Variants in SLC4A10 observed in about 807,000 individuals in gnomAD.
The protein encoded by SLC4A10 is solute carrier family 4 member 10.
SLC4A10 carries 42 observed loss-of-function variants against 137.7 expected under a neutral mutation model. That is an observed-to-expected ratio of 0.30 (90% CI 0.24 to 0.39). SLC4A10 has a LOEUF of 0.39. SLC4A10 is among the 10% of genes least tolerant of loss of function. SLC4A10 has a pLI of 1.00. For synonymous variants in SLC4A10, 474 were observed against 464.1 expected, an observed-to-expected ratio of 1.02 and a Z score of -0.27; for missense variants, 925 against 1,355.0, an observed-to-expected ratio of 0.68 and a Z score of 4.98.
At chr2:161,751,524 G>A (rs73005123) in intron 1 of SLC4A10, among the ~76,000 whole-genome samples, 5,025 of 151,296 alleles carry the variant, frequency 0.033, 288 homozygotes, top group African/African-American at 0.11. Context: ...GTAGGAACTC[G>A]CCTTTTATTC....
At chr2:161,941,804 G>T (rs1692754623) in intron 15 of SLC4A10, among the ~76,000 whole-genome samples, 1 of 152,136 alleles carries the variant, frequency 6.6e-6, no homozygotes, top group Admixed American at 6.6e-5. Flanking sequence ...GGGTGTTACA[G>T]GGTGTGGCTG....
intron 4 of SLC4A10, among the ~76,000 whole-genome samples, chr2:161,851,736 T>C (rs2059845396): frequency 6.6e-6 from 1 of 152,190 alleles, no homozygotes; most frequent in South Asian, 2.1e-4. Flanking sequence ...TTGTTATTAA[T>C]GTTATTACAG....
intron 21 of SLC4A10, among the ~76,000 whole-genome samples, chr2:161,963,121 T>C: frequency 6.6e-6 from 1 of 152,138 alleles, no homozygotes; most frequent in East Asian, 1.9e-4. Flanking sequence ...AAATAATCTA[T>C]ATAAAATAAA....
intron 6 of SLC4A10, among the ~76,000 whole-genome samples, chr2:161,869,029 T>C (rs2060945718): frequency 6.6e-6 from 1 of 151,694 alleles, no homozygotes; most frequent in Admixed American, 6.6e-5. Context: ...TACTGTGGTA[T>C]AGCACTTTAA....
At chr2:161,840,016 A>G (rs1203563082) in intron 4 of SLC4A10, 89 bp downstream of exon 4, 70 of 1,498,368 alleles carry the variant, frequency 4.7e-5, no homozygotes, top group Non-Finnish European at 6.3e-5. Context: ...TTTTGCAAAC[A>G]TCTATGATTG....
chr2:161,772,128 G>A (rs1288867875), intron 2 of SLC4A10, among the ~76,000 whole-genome samples: 1 of 151,748 alleles, frequency 6.6e-6, no homozygotes, highest in Non-Finnish European at 1.5e-5. Flanking sequence ...GATCTAAGAA[G>A]GTTATGCTTA....
intron 1 of SLC4A10, among the ~76,000 whole-genome samples, chr2:161,717,992 G>C (rs1574536121): frequency 6.6e-6 from 1 of 151,888 alleles, no homozygotes. Context: ...ATTGGTTATT[G>C]ATTATTCTTC....
intron 3 of SLC4A10, among the ~76,000 whole-genome samples, chr2:161,832,827 G>T (rs969169958): frequency 2.6e-5 from 4 of 152,114 alleles, no homozygotes; most frequent in Non-Finnish European, 4.4e-5. Flanking sequence ...TGCAAGCTCC[G>T]CCTCCCGGGT....
At chr2:161,978,384 C>CAAAAAAA (rs61399867) in intron 26 of SLC4A10, among the ~76,000 whole-genome samples, 45 of 90,392 alleles carry the variant, frequency 5.0e-4, no homozygotes, top group East Asian at 1.5e-3. Flanking sequence ...GAGACTCTGT[C>CAAAAAAA]AAAAAAAAAA....
At chr2:161,889,469 T>C (rs2062683731) in intron 10 of SLC4A10, among the ~76,000 whole-genome samples, 1 of 152,198 alleles carries the variant, frequency 6.6e-6, no homozygotes, top group Non-Finnish European at 1.5e-5. Flanking sequence ...AACTTGTTGT[T>C]GGCCTTTTCA....
intron 1 of SLC4A10, among the ~76,000 whole-genome samples, chr2:161,632,409 G>A (rs1034305831): frequency 7.3e-5 from 11 of 151,180 alleles, no homozygotes; most frequent in Non-Finnish European, 1.3e-4. Context: ...GTTTAAAAAT[G>A]AAAAGAAAAA....
At chr2:161,867,347 G>T (rs1337550760) in intron 6 of SLC4A10, among the ~76,000 whole-genome samples, 3 of 151,722 alleles carry the variant, frequency 2.0e-5, no homozygotes, top group Non-Finnish European at 4.4e-5. Context: ...AGATATCCAG[G>T]ATTTAAAATT....
At chr2:161,711,477 C>T (rs1233394397) in intron 1 of SLC4A10, among the ~76,000 whole-genome samples, 3 of 151,808 alleles carry the variant, frequency 2.0e-5, no homozygotes, top group Non-Finnish European at 4.4e-5. Context: ...TCAGGACCAA[C>T]TAATTATGGA....
At chr2:161,736,964 G>A (rs2047408375) in intron 1 of SLC4A10, among the ~76,000 whole-genome samples, 1 of 151,988 alleles carries the variant, frequency 6.6e-6, no homozygotes. Context: ...GGGCTCAAGT[G>A]ATCCTCTCAC....
At chr2:161,881,703 T>C (rs2061794302) in intron 9 of SLC4A10, among the ~76,000 whole-genome samples, 1 of 152,008 alleles carries the variant, frequency 6.6e-6, no homozygotes, top group African/African-American at 2.4e-5. Context: ...AGAGTATCTA[T>C]TGATTTCTTT....
intron 2 of SLC4A10, among the ~76,000 whole-genome samples, chr2:161,783,740 A>T (rs773423800): frequency 6.6e-6 from 1 of 151,744 alleles, no homozygotes; most frequent in Non-Finnish European, 1.5e-5. Context: ...TATAAACCCC[A>T]TGGTATCTAA....
chr2:161,881,182 C>A (rs561748684), intron 9 of SLC4A10, among the ~76,000 whole-genome samples: 3 of 151,876 alleles, frequency 2.0e-5, no homozygotes, highest in African/African-American at 7.3e-5. Context: ...CCTATTAATA[C>A]GATGGCAACA....
chr2:161,909,254 A>T (rs574974088), intron 15 of SLC4A10, among the ~76,000 whole-genome samples: 39 of 151,840 alleles, frequency 2.6e-4, no homozygotes, highest in East Asian at 5.8e-4. Flanking sequence ...TAAATATATA[A>T]AAAAAAAGAG....
intron 1 of SLC4A10, among the ~76,000 whole-genome samples, chr2:161,705,465 A>T (rs1041416398): frequency 6.6e-6 from 1 of 151,610 alleles, no homozygotes. Flanking sequence ...ATTATTTGAG[A>T]TGTTCTTATG....
Sources: gnomAD v4.1 joint callset for allele counts (sites outside exome capture counted in the v4.1 genomes callset) on GRCh38, gnomAD v4.1.1 for gene constraint, MANE v1.5 for transcripts, NCBI Gene and HGNC (gene_info 2026-07-23, HGNC 2026-07-21) for gene names.